The following WWOX variants were observed in gnomAD, a reference collection of about 807,000 sequenced individuals.
The protein encoded by WWOX is WW domain-containing oxidoreductase.
In WWOX, 69 loss-of-function variants were observed where a neutral mutation model predicts 46.2. The observed-to-expected ratio is 1.49, with a 90% CI of 1.23 to 1.82. WWOX has a LOEUF of 1.82. WWOX is among the 40% of genes most tolerant of loss of function. The probability of loss-of-function intolerance (pLI) is 0.00; values close to 1 mark genes in which losing one functional copy is unlikely to be tolerated. For synonymous variants in WWOX, 359 were observed against 202.6 expected (o/e 1.77, Z -6.56); for missense variants, 919 against 542.6 (o/e 1.69, Z -6.89).
intron 8 of WWOX, among the ~76,000 whole-genome samples, chr16:78,982,930 C>A (rs1393454871): frequency 6.6e-6 from 1 of 151,992 alleles, no homozygotes; most frequent in African/African-American, 2.4e-5. Context: ...ATAAAATTAC[C>A]CTGAGCAGAT....
At chr16:78,945,181 AAAAAAG>A (rs933000258) in intron 8 of WWOX, among the ~76,000 whole-genome samples, 24 of 152,302 alleles carry the variant, frequency 1.6e-4, no homozygotes, top group African/African-American at 4.1e-4. Context: ...CCCTGTGTCA[AAAAAAG>A]AAAAAGAAAA....
chr16:78,754,163 G>C (rs1021514751), intron 8 of WWOX, among the ~76,000 whole-genome samples: 3 of 152,060 alleles, frequency 2.0e-5, no homozygotes, highest in African/African-American at 7.2e-5. Context: ...TTTCTCTAGA[G>C]AACTTGGTCC....
chr16:78,826,649 A>G (rs907028224), intron 8 of WWOX, among the ~76,000 whole-genome samples: 2 of 152,188 alleles, frequency 1.3e-5, no homozygotes, highest in Non-Finnish European at 2.9e-5. Flanking sequence ...TCTCATGTCA[A>G]GATCCGTAAC....
intron 5 of WWOX, among the ~76,000 whole-genome samples, chr16:78,365,530 G>T (rs941147085): frequency 6.6e-6 from 1 of 152,118 alleles, no homozygotes; most frequent in African/African-American, 2.4e-5. Context: ...TCAGATTCCT[G>T]CTGGAAGGTC....
At chr16:79,206,957 C>G (rs1198417283) in intron 8 of WWOX, among the ~76,000 whole-genome samples, 2 of 152,124 alleles carry the variant, frequency 1.3e-5, no homozygotes, top group Non-Finnish European at 2.9e-5. Context: ...ATTTGTGTTT[C>G]CAATGAGAGA....
At chr16:78,647,367 G>A (rs2046868019) in intron 8 of WWOX, among the ~76,000 whole-genome samples, 1 of 152,098 alleles carries the variant, frequency 6.6e-6, no homozygotes, top group African/African-American at 2.4e-5. Flanking sequence ...CTTCCACCTG[G>A]GAGACTGGCT....
intron 8 of WWOX, among the ~76,000 whole-genome samples, chr16:79,100,088 T>A (rs1236680484): frequency 6.6e-6 from 1 of 152,182 alleles, no homozygotes; most frequent in Admixed American, 6.5e-5. Context: ...TTATCTCCCT[T>A]CCTAAAAGGC....
chr16:78,862,020 G>T lies in WWOX; in HGVS notation c.1057-349588G>T, dbSNP rs146984157. 3.0e-3 allele frequency among the ~76,000 whole-genome samples: 456 copies of T among 152,116 alleles called. 1 individual carries two copies. Among genetic ancestry groups the T allele is most frequent in the Non-Finnish European group, 4.3e-3 (293 of 67,960 alleles). On this transcript the variant is annotated intron_variant, in intron 8 of 8. Transcript: ENST00000566780. ...ATATGTGTGTGTGTATCTATGTATA[G>T]ATATAGATACACACATGTATCTATT...
chr16:78,621,224 T>A (rs74486373), intron 8 of WWOX, among the ~76,000 whole-genome samples: 1 of 152,192 alleles, frequency 6.6e-6, no homozygotes, highest in Non-Finnish European at 1.5e-5. Context: ...AGAATAAGGC[T>A]GCCAAGCTCG....
In WWOX at chr16:78,480,886, A is replaced by G. The variant is rs115802263; in HGVS notation, c.1056+48134A>G. ...TCTGAACTAAAGCAACCGTCACAGA[A>G]TGAACAAGAGACTTACAAACATTTG... On this transcript the variant is annotated intron_variant, in intron 8 of 8. Transcript: ENST00000566780. 4.3e-3 allele frequency among the ~76,000 whole-genome samples: 654 copies of G among 152,368 alleles called. 6 individuals carry two copies. Among genetic ancestry groups the G allele is most frequent in the African/African-American group, 0.015 (629 of 41,582 alleles).
chr16:78,124,816 C>A (rs1567585472), intron 4 of WWOX, among the ~76,000 whole-genome samples: 1 of 152,154 alleles, frequency 6.6e-6, no homozygotes, highest in African/African-American at 2.4e-5. Context: ...AAGCCATAGT[C>A]ATATGGTGCT....
rs141139739 is a variant in WWOX, at chr16:78,765,899, C to T, written c.1056+333147C>T. Among the ~76,000 whole-genome samples, 9 of 152,312 alleles carry T rather than the reference C, an allele frequency of 5.9e-5. No homozygotes were observed. The East Asian group carries it at 9.6e-4, about 16-fold the overall frequency. On this transcript the variant is annotated intron_variant, in intron 8 of 8. Coordinates refer to ENST00000566780, the MANE Select transcript of WWOX (RefSeq NM_016373.4). ...CAGGCATTGCGGAGGCAGAAATTTA[C>T]GTGGCTTCCATGCCCATTGGTGTGA... is the stretch of plus-strand genomic sequence containing the variant.
chr16:78,576,876 C>T (rs2044894215), intron 8 of WWOX, among the ~76,000 whole-genome samples: 1 of 152,208 alleles, frequency 6.6e-6, no homozygotes, highest in Non-Finnish European at 1.5e-5. Context: ...TCTCAAGATT[C>T]CTTCTAAGGC....
intron 8 of WWOX, among the ~76,000 whole-genome samples, chr16:78,986,883 G>C (rs9926344): frequency 6.6e-6 from 1 of 151,920 alleles, no homozygotes; most frequent in Non-Finnish European, 1.5e-5. Context: ...TTCAGGATGC[G>C]CAAGAGACTC....
At chr16:78,899,849 C>T (rs2044785172) in intron 8 of WWOX, among the ~76,000 whole-genome samples, 1 of 152,158 alleles carries the variant, frequency 6.6e-6, no homozygotes, top group South Asian at 2.1e-4. Flanking sequence ...CCACTGGCTC[C>T]TAAGGTTCAG....
chr16:78,304,348 A>G (rs1395768216), intron 5 of WWOX, among the ~76,000 whole-genome samples: 3 of 152,232 alleles, frequency 2.0e-5, no homozygotes, highest in African/African-American at 2.4e-5. Flanking sequence ...TCAACATTCA[A>G]ACGATGGAAA....
intron 8 of WWOX, among the ~76,000 whole-genome samples, chr16:78,592,710 C>T (rs187786940): frequency 6.6e-6 from 1 of 152,322 alleles, no homozygotes; most frequent in East Asian, 1.9e-4. Flanking sequence ...AGGACCCAAA[C>T]ATGGTGGTAA....
At chr16:79,131,596 C>G (rs1166180358) in intron 8 of WWOX, among the ~76,000 whole-genome samples, 3 of 152,122 alleles carry the variant, frequency 2.0e-5, no homozygotes, top group African/African-American at 7.2e-5. Flanking sequence ...AAGTGATAAC[C>G]TTGTCATAGT....
intron 1 of WWOX, 138 bp downstream of exon 1, chr16:78,100,023 A>G: frequency 6.8e-7 from 1 of 1,464,604 alleles, no homozygotes. Context: ...AGCTTCAGGG[A>G]AAAGGGTCCA....
Sources: gnomAD v4.1 joint callset for allele counts (sites outside exome capture counted in the v4.1 genomes callset) on GRCh38, gnomAD v4.1.1 for gene constraint, MANE v1.5 for transcripts, NCBI Gene and HGNC (gene_info 2026-07-23, HGNC 2026-07-21) for gene names.